The following HPSE2 variants were observed in gnomAD, a reference collection of about 807,000 sequenced individuals.
HPSE2 encodes the protein inactive heparanase-2.
A neutral mutation model predicts 60.5 loss-of-function variants in HPSE2; 38 were observed. The ratio of observed to expected loss-of-function variants is 0.63; its 90% CI spans 0.48 to 0.82. HPSE2 has a LOEUF of 0.82. Ranked by LOEUF, HPSE2 falls within the 40% of genes least tolerant of loss-of-function variation. HPSE2 has a pLI of 0.00. For synonymous variants in HPSE2, 295 were observed against 293.2 expected, an observed-to-expected ratio of 1.01 and a Z score of -0.06; for missense variants, 713 against 740.4, an observed-to-expected ratio of 0.96 and a Z score of 0.43.
intron 3 of HPSE2, among the ~76,000 whole-genome samples, chr10:98,998,305 G>C (rs1387256610): frequency 6.6e-6 from 1 of 151,956 alleles, no homozygotes; most frequent in Non-Finnish European, 1.5e-5. Context: ...ATTTTGTTTT[G>C]CCAAATTAAA....
intron 3 of HPSE2, among the ~76,000 whole-genome samples, chr10:98,836,858 G>C (rs1484107802): frequency 6.6e-6 from 1 of 152,128 alleles, no homozygotes; most frequent in Non-Finnish European, 1.5e-5. Context: ...GGCCAACATG[G>C]AGAAACCCCG....
chr10:98,960,587 T>G (rs914206163), intron 3 of HPSE2, among the ~76,000 whole-genome samples: 13 of 151,692 alleles, frequency 8.6e-5, no homozygotes, highest in Non-Finnish European at 1.3e-4. Context: ...TGTATCCCCC[T>G]ACTACCCCAA....
At chr10:99,099,677 AACAG>A (rs1843868251) in intron 3 of HPSE2, among the ~76,000 whole-genome samples, 1 of 152,180 alleles carries the variant, frequency 6.6e-6, no homozygotes, top group Non-Finnish European at 1.5e-5. Flanking sequence ...GAGACCTAAG[AACAG>A]ACAGACTGCC....
In HPSE2 at chr10:98,630,191, T is replaced by TG. The variant is rs1204931989; in HGVS notation, c.1099-9484_1099-9483insC. ...AACTACACGAAGCAATCGTTTTTTT[T>TG]TTTGTTTTTTTTTTTTTTGTTTTTG... On this transcript the variant is annotated intron_variant, in intron 7 of 11. Transcript: ENST00000370552. Among the ~76,000 whole-genome samples the TG allele has an allele frequency of 7.9e-4, 118 of 149,654 alleles. 1 individual carries two copies. Among genetic ancestry groups the TG allele is most frequent in the South Asian group, 6.9e-3 (32 of 4,654 alleles).
At chr10:98,561,247 A>C (rs1311973814) in intron 9 of HPSE2, among the ~76,000 whole-genome samples, 1 of 151,574 alleles carries the variant, frequency 6.6e-6, no homozygotes, top group Non-Finnish European at 1.5e-5. Context: ...GCTCACTGCA[A>C]CATCTGCCTC....
chr10:98,814,912 T>C (rs1252324), intron 3 of HPSE2, among the ~76,000 whole-genome samples: 5,239 of 152,288 alleles, frequency 0.034, 282 homozygotes, highest in African/African-American at 0.11. Flanking sequence ...TTTCCATTCT[T>C]GGTTAGGAAG....
the HPSE2 span, among the ~76,000 whole-genome samples, chr10:99,313,786 G>A: frequency 6.6e-6 from 1 of 151,372 alleles, no homozygotes; most frequent in Non-Finnish European, 1.5e-5. Context: ...ATTTTTAGTA[G>A]AGACAGGGTT....
intron 2 of HPSE2, among the ~76,000 whole-genome samples, chr10:99,159,235 T>C (rs1476852275): frequency 6.6e-6 from 1 of 152,024 alleles, no homozygotes; most frequent in Non-Finnish European, 1.5e-5. Flanking sequence ...TTGAAAAGAT[T>C]AATACAACTG....
At chr10:98,579,639 G>A (rs1944738337) in intron 9 of HPSE2, among the ~76,000 whole-genome samples, 1 of 152,120 alleles carries the variant, frequency 6.6e-6, no homozygotes, top group South Asian at 2.1e-4. Context: ...AGCTTTCCAA[G>A]GCTGATAATA....
intron 9 of HPSE2, among the ~76,000 whole-genome samples, chr10:98,585,802 A>G (rs1389345193): frequency 1.3e-5 from 2 of 151,482 alleles, no homozygotes; most frequent in Admixed American, 1.3e-4. Flanking sequence ...AAATACAAAA[A>G]TTAGCTGGGC....
At chr10:98,521,304 C>T (rs918728484) in intron 9 of HPSE2, among the ~76,000 whole-genome samples, 2 of 151,892 alleles carry the variant, frequency 1.3e-5, no homozygotes, top group African/African-American at 2.4e-5. Context: ...GAAAAAAACT[C>T]CATCAAAAAG....
intron 5 of HPSE2, among the ~76,000 whole-genome samples, chr10:98,719,588 G>A (rs1004133954): frequency 6.6e-6 from 1 of 151,038 alleles, no homozygotes; most frequent in African/African-American, 2.4e-5. Flanking sequence ...AGAGGGCAAG[G>A]GGGTATCACT....
intron 11 of HPSE2, among the ~76,000 whole-genome samples, chr10:98,479,836 A>G (rs1032645390): frequency 7.2e-5 from 11 of 152,200 alleles, no homozygotes; most frequent in Non-Finnish European, 1.0e-4. Flanking sequence ...ATGCATATGC[A>G]TGGGTTTGTG....
chr10:98,616,606 C>A (rs1025664867), intron 8 of HPSE2, among the ~76,000 whole-genome samples: 11 of 152,034 alleles, frequency 7.2e-5, no homozygotes, highest in East Asian at 1.9e-4. Context: ...TTTACATTTA[C>A]AATTATATTT....
chr10:99,155,540 G>C (rs1199790452), intron 2 of HPSE2, among the ~76,000 whole-genome samples: 2 of 137,192 alleles, frequency 1.5e-5, no homozygotes, highest in African/African-American at 5.3e-5. Context: ...AAATAAAGAT[G>C]TTCTTTGAAA....
chr10:98,955,660 T>C (rs1450296736), intron 3 of HPSE2, among the ~76,000 whole-genome samples: 7 of 152,216 alleles, frequency 4.6e-5, no homozygotes, highest in Non-Finnish European at 1.0e-4. Flanking sequence ...TGCACATGTA[T>C]GTTCACTGCA....
At chr10:98,993,400 C>T (rs1216891242) in intron 3 of HPSE2, among the ~76,000 whole-genome samples, 2 of 152,236 alleles carry the variant, frequency 1.3e-5, no homozygotes, top group African/African-American at 4.8e-5. Flanking sequence ...TCCTCTTGGA[C>T]ATCAACTTCA....
chr10:99,096,332 T>A (rs1843717286), intron 3 of HPSE2, among the ~76,000 whole-genome samples: 1 of 152,220 alleles, frequency 6.6e-6, no homozygotes, highest in Non-Finnish European at 1.5e-5. Flanking sequence ...AATAACAGTA[T>A]TACTTAAATT....
At chr10:99,139,382 T>C (rs1427306429) in intron 3 of HPSE2, among the ~76,000 whole-genome samples, 1 of 152,108 alleles carries the variant, frequency 6.6e-6, no homozygotes, top group East Asian at 1.9e-4. Context: ...ACTTCATCAC[T>C]ATACAATTCA....
Sources: gnomAD v4.1 joint callset for allele counts (sites outside exome capture counted in the v4.1 genomes callset) on GRCh38, gnomAD v4.1.1 for gene constraint, MANE v1.5 for transcripts, NCBI Gene and HGNC (gene_info 2026-07-23, HGNC 2026-07-21) for gene names.